Variants in PQBP1 observed in about 807,000 individuals in gnomAD.
PQBP1 encodes the protein polyglutamine binding protein 1.
Under a neutral mutation model 20.9 loss-of-function variants are expected in PQBP1, and 3 were observed. The observed-to-expected ratio is 0.14, with a 90% CI of 0.07 to 0.37. The LOEUF is 0.37. Ranked by LOEUF, PQBP1 falls within the 10% of genes least tolerant of loss-of-function variation. The pLI is 1.00. For synonymous variants in PQBP1, 83 were observed against 93.8 expected, an observed-to-expected ratio of 0.88 and a Z score of 0.67; for missense variants, 162 against 240.3, an observed-to-expected ratio of 0.67 and a Z score of 2.16.
At chrX:48,900,025 C>T (rs782650938) in intron 2 of PQBP1, among the ~76,000 whole-genome samples, 3 of 110,717 alleles carry the variant, frequency 2.7e-5, no homozygotes, top group Admixed American at 9.7e-5. Flanking sequence ...CGGAGGTGGA[C>T]GGATCACGAG....
At chrX:48,898,705 C>G in intron 2 of PQBP1, 129 bp downstream of exon 2, 1 of 541,292 alleles carries the variant, frequency 1.8e-6, no homozygotes, top group Non-Finnish European at 2.9e-6. Flanking sequence ...AGGCATTTTT[C>G]GTTGTTAACA....
At chrX:48,898,976 ATTT>A (rs782427442) in intron 2 of PQBP1, among the ~76,000 whole-genome samples, 1 of 54,132 alleles carries the variant, frequency 1.8e-5, no homozygotes, top group Non-Finnish European at 3.4e-5. Flanking sequence ...ACACCTGGCA[ATTT>A]TTTTTTTTTT....
Position 48,898,036 on chromosome X carries a change from A to G in PQBP1, c.-65A>G, listed in dbSNP as rs984718418. 4 of 1,027,209 alleles carry G rather than the reference A, an allele frequency of 3.9e-6. No individual in the cohort carries two copies. Among genetic ancestry groups the G allele is most frequent in the Non-Finnish European group, 3.8e-6 (3 of 799,581 alleles). The allele number at this position is 1,027,209 out of a possible 1,213,427, so 84.7% of individuals were successfully genotyped here. ...CCAGGTATCGTAGCGGCGACACGAGAGAGACGGGCGGTGTGACAGCCTTCC... is the reference window on the plus strand; with the variant it reads ...CCAGGTATCGTAGCGGCGACACGAGGGAGACGGGCGGTGTGACAGCCTTCC... On this transcript the variant is annotated 5_prime_UTR_variant, in exon 1 of 7. Transcript: ENST00000447146.
In PQBP1 at chrX:48,901,912, T is replaced by C. The variant is rs782725434; in HGVS notation, c.180-18T>C. ...GCAAGGACATCTGTGCTGACACTTC[T>C]TTCCTGCGGCCCCACAGCGGGCTCC... On this transcript the variant is annotated intron_variant, in intron 3 of 6. Coordinates refer to ENST00000447146, the MANE Select transcript of PQBP1 (RefSeq NM_001032382.2). 4 of 1,211,346 alleles carry C rather than the reference T, an allele frequency of 3.3e-6. No individual in the cohort carries two copies. The highest frequency in any genetic ancestry group is 4.5e-6 in the Non-Finnish European group (4 of 895,375).
At chrX:48,898,338 C>T (rs1557040172) in intron 1 of PQBP1, 154 bp from the exon 2 acceptor site, 1 of 616,713 alleles carries the variant, frequency 1.6e-6, no homozygotes, top group Admixed American at 2.6e-5. Context: ...CTACCTCTTA[C>T]ATCTTTTAGT....
intron 2 of PQBP1, among the ~76,000 whole-genome samples, chrX:48,900,284 C>CTTTTT (rs1162086780): frequency 1.8e-4 from 6 of 32,472 alleles, no homozygotes; most frequent in East Asian, 1.5e-3. Context: ...CATTGATTTA[C>CTTTTT]TTTTTTTTTT....
rs1173540026 is a variant in PQBP1, at chrX:48,901,171, C to A, written c.68-19C>A. The A allele has an allele frequency of 1.7e-6, 2 of 1,200,841 alleles. No individual in the cohort carries two copies. Among genetic ancestry groups the A allele is most frequent in the Admixed American group, 4.5e-5 (2 of 44,635 alleles). ...CCTGGTCCTTATCTGCTCTCCTCATCCCCACCTTGTTCTACCAGAACCAGA... is the reference window on the plus strand; with the variant it reads ...CCTGGTCCTTATCTGCTCTCCTCATACCCACCTTGTTCTACCAGAACCAGA... On this transcript the variant is annotated intron_variant, in intron 2 of 6. Transcript: ENST00000447146.
chrX:48,902,621 G>C, intron 5 of PQBP1, 104 bp downstream of exon 5: 1 of 1,151,022 alleles, frequency 8.7e-7, no homozygotes, highest in Non-Finnish European at 1.2e-6. Flanking sequence ...GCTAGAGGAG[G>C]GTGCTGTGGT....
At chrX:48,898,238 G>A in intron 1 of PQBP1, 156 bp downstream of exon 1, 1 of 889,448 alleles carries the variant, frequency 1.1e-6, no homozygotes, top group Non-Finnish European at 1.6e-6. Flanking sequence ...TAGGCTGTGG[G>A]CGGAGCCTGG....
chrX:48,902,019 A>G lies in PQBP1; in HGVS notation c.269A>G (p.Lys90Arg), dbSNP rs782658545. Residue 90 changes from lysine (K) to arginine (R), a missense_variant, in exon 4 of 7, where the codon AAG (lysine) becomes AGG (arginine). Lys to Arg is a conservative substitution (Grantham distance 26, BLOSUM62 2). Transcript: ENST00000447146. ...AACTCCGTGGTTACCAAATCGGCCA[A>G]GAAGCTCAGAAGCAGTAATGCAGGT... is the stretch of plus-strand genomic sequence containing the variant. The part of the protein sequence containing the change: ...DPNSVVTKSA[K>R]KLRSSNADAE... The G allele has an allele frequency of 1.2e-5, 14 of 1,209,818 alleles. No individual in the cohort carries two copies. The highest frequency in any genetic ancestry group is 1.8e-5 in the South Asian group (1 of 56,823).
chrX:48,901,978 C>A lies in PQBP1; in HGVS notation c.228C>A (p.Leu76=). Reference sequence around the variant, plus strand: ...CAGACACAGACCTTGTATCCTGGCTCTCCCCACATGACCCCAACTCCGTGG... The same window carrying A: ...CAGACACAGACCTTGTATCCTGGCTATCCCCACATGACCCCAACTCCGTGG... The part of the protein sequence containing the change: ...WNADTDLVSW[L]SPHDPNSVVT... Residue 76 remains leucine (L), a synonymous_variant, in exon 4 of 7, where the codon CTC becomes CTA. Coordinates refer to ENST00000447146, the MANE Select transcript of PQBP1 (RefSeq NM_001032382.2). The A allele has an allele frequency of 8.3e-7, 1 of 1,211,970 alleles. No individual in the cohort carries two copies. Among genetic ancestry groups the A allele is most frequent in the Non-Finnish European group, 1.1e-6 (1 of 895,597 alleles).
At chrX:48,899,870 G>A (rs1267789006) in intron 2 of PQBP1, among the ~76,000 whole-genome samples, 2 of 111,837 alleles carry the variant, frequency 1.8e-5, no homozygotes, top group African/African-American at 6.5e-5. Flanking sequence ...GCCAGGCACT[G>A]GAAAATATAT....
Position 48,897,979 on chromosome X carries a change from A to C in PQBP1, c.-122A>C. On this transcript the variant is annotated 5_prime_UTR_variant, in exon 1 of 7. Coordinates refer to ENST00000447146, the MANE Select transcript of PQBP1 (RefSeq NM_001032382.2). ...GAAGGCCTCGTTGAGAGAAGGTCTC[A>C]TTCGGTGTTTTGGGAAGAGAGTCGT... 1.1e-6 allele frequency: 1 copy of C among 925,999 alleles called. No individual in the cohort carries two copies. The highest frequency in any genetic ancestry group is 1.4e-6 in the Non-Finnish European group (1 of 696,870). The allele number at this position is 925,999 out of a possible 1,213,427, so 76.3% of individuals were successfully genotyped here.
intron 2 of PQBP1, among the ~76,000 whole-genome samples, chrX:48,900,448 T>C (rs2063391509): frequency 9.5e-6 from 1 of 105,807 alleles, no homozygotes; most frequent in African/African-American, 3.4e-5. Flanking sequence ...CGTGCTCCAC[T>C]GTGCCTGGCT....
intron 3 of PQBP1, chrX:48,901,523 G>A (rs782531488): frequency 5.1e-5 from 41 of 798,899 alleles, no homozygotes; most frequent in Non-Finnish European, 7.3e-5. Context: ...TTGTAGCCCG[G>A]GCTGGAGTGC....
intron 2 of PQBP1, among the ~76,000 whole-genome samples, chrX:48,899,136 C>T (rs1557040419): frequency 9.1e-6 from 1 of 110,187 alleles, no homozygotes; most frequent in African/African-American, 3.3e-5. Flanking sequence ...TGATACCACA[C>T]CCGGCTGATT....
intron 3 of PQBP1, chrX:48,901,549 G>A: frequency 1.5e-6 from 1 of 667,683 alleles, no homozygotes. Flanking sequence ...TGTGATCTCG[G>A]CTTATGGCAA....
chrX:48,902,500 A>G lies in PQBP1; in HGVS notation c.560A>G (p.Tyr187Cys). Residue 187 changes from tyrosine (Y) to cysteine (C), a missense_variant, in exon 5 of 7, where the codon TAT becomes TGT. Tyr to Cys is a radical substitution (Grantham distance 194, BLOSUM62 -2). Transcript: ENST00000447146. Reference protein sequence around the residue: ...RHHRREELAPYPKSKKAVSRK... With the variant: ...RHHRREELAPCPKSKKAVSRK... ...CATCGCCGGGAGGAGCTGGCTCCCT[A>G]TCCCAAGAGCAAGAAGGGTAAGCTG... 5.0e-6 allele frequency: 6 copies of G among 1,204,767 alleles called. No homozygotes were observed. Among genetic ancestry groups the G allele is most frequent in the Non-Finnish European group, 6.7e-6 (6 of 892,670 alleles).
chrX:48,898,476 G>T lies in PQBP1; in HGVS notation c.-18-16G>T. The T allele has an allele frequency of 1.1e-5, 13 of 1,199,342 alleles. No homozygotes were observed. The highest frequency in any genetic ancestry group is 1.5e-5 in the Non-Finnish European group (13 of 884,266). ...CTTTATCTGAGCTGCTTGTCAGTTTGTTCGTCTGTCCCTAGGTCTGTCTGC... is the reference window on the plus strand; with the variant it reads ...CTTTATCTGAGCTGCTTGTCAGTTTTTTCGTCTGTCCCTAGGTCTGTCTGC... On this transcript the variant is annotated splice_polypyrimidine_tract_variant and intron_variant, in intron 1 of 6. Coordinates refer to ENST00000447146, the MANE Select transcript of PQBP1 (RefSeq NM_001032382.2).
Sources: gnomAD v4.1 joint callset for allele counts (sites outside exome capture counted in the v4.1 genomes callset) on GRCh38, gnomAD v4.1.1 for gene constraint, MANE v1.5 for transcripts, NCBI Gene and HGNC (gene_info 2026-07-23, HGNC 2026-07-21) for gene names.